ANXA3: variants seen among roughly 807,000 people sequenced by gnomAD.
ANXA3 encodes the protein 35-alpha calcimedin.
Under a neutral mutation model 48.8 loss-of-function variants are expected in ANXA3, and 46 were observed. The observed-to-expected ratio is 0.94, with a 90% CI of 0.74 to 1.21. ANXA3 has a LOEUF of 1.21. Ranked by LOEUF, ANXA3 falls within the 50% of genes most tolerant of loss-of-function variation. ANXA3 has a pLI of 0.00. For missense variants in ANXA3, 383 were observed against 378.6 expected (o/e 1.01, Z -0.10); for synonymous variants, 128 against 134.7 (o/e 0.95, Z 0.35).
intron 2 of ANXA3, among the ~76,000 whole-genome samples, chr4:78,572,583 C>T (rs1253952973): frequency 6.6e-6 from 1 of 151,920 alleles, no homozygotes; most frequent in Non-Finnish European, 1.5e-5. Flanking sequence ...GAAAACAGTC[C>T]TTGTAGGCTG....
At chr4:78,557,316 C>T (rs985521277) in intron 2 of ANXA3, among the ~76,000 whole-genome samples, 3 of 152,150 alleles carry the variant, frequency 2.0e-5, no homozygotes, top group African/African-American at 7.2e-5. Flanking sequence ...TCTCTTCTCC[C>T]TCCAGCTGAA....
chr4:78,607,441 G>A (rs898796528), intron 12 of ANXA3, among the ~76,000 whole-genome samples: 7 of 152,024 alleles, frequency 4.6e-5, no homozygotes, highest in South Asian at 2.1e-4. Context: ...GGGGGTAACC[G>A]GTGGGAAGGA....
At chr4:78,555,918 T>A (rs1004223868) in intron 2 of ANXA3, among the ~76,000 whole-genome samples, 1 of 152,018 alleles carries the variant, frequency 6.6e-6, no homozygotes, top group African/African-American at 2.4e-5. Flanking sequence ...GAAACACTTT[T>A]CTACTTAAGA....
chr4:78,577,430 T>G (rs978311810), intron 3 of ANXA3, among the ~76,000 whole-genome samples: 7 of 152,216 alleles, frequency 4.6e-5, no homozygotes, highest in Admixed American at 3.3e-4. Flanking sequence ...GAGTTTCAGA[T>G]ACTTGTGCAG....
At chr4:78,558,301 G>A (rs1320314247) in intron 2 of ANXA3, among the ~76,000 whole-genome samples, 1 of 152,194 alleles carries the variant, frequency 6.6e-6, no homozygotes, top group African/African-American at 2.4e-5. Flanking sequence ...AAGTTCTGAA[G>A]ATGTTTCAAA....
intron 2 of ANXA3, among the ~76,000 whole-genome samples, chr4:78,569,742 C>T (rs550689607): frequency 1.3e-5 from 2 of 152,304 alleles, no homozygotes; most frequent in South Asian, 4.2e-4. Flanking sequence ...CTTCAGGAAC[C>T]ACACTTTGAG....
intron 6 of ANXA3, 90 bp downstream of exon 6, chr4:78,586,440 G>A (rs1341351698): frequency 1.1e-6 from 1 of 908,368 alleles, no homozygotes; most frequent in South Asian, 1.6e-5. Flanking sequence ...TCTTCATGAG[G>A]CATTTTGAGA....
At chr4:78,578,852 A>AAAATAAATAAATAAAT (rs3840270) in intron 3 of ANXA3, among the ~76,000 whole-genome samples, 175 bp from the exon 4 acceptor site, 33 of 148,848 alleles carry the variant, frequency 2.2e-4, no homozygotes, top group African/African-American at 7.0e-4. Context: ...TCAGGCAAAC[A>AAAATAAATAAATAAAT]AAATAAATAA....
chr4:78,594,284 C>T lies in ANXA3; in HGVS notation c.484-1097C>T, dbSNP rs75687901. Reference sequence around the variant, plus strand: ...TCCATTGTATAGAATATTTATTTTACCTGCTGAAAGGCATCTTCTTTGCTT... The same window carrying T: ...TCCATTGTATAGAATATTTATTTTATCTGCTGAAAGGCATCTTCTTTGCTT... On this transcript the variant is annotated intron_variant, in intron 7 of 12. Coordinates refer to ENST00000264908, the MANE Select transcript of ANXA3 (RefSeq NM_005139.3). Among the ~76,000 whole-genome samples, 379 of 147,404 alleles carry T rather than the reference C, an allele frequency of 2.6e-3. 1 individual carries two copies. The highest frequency in any genetic ancestry group is 4.0e-3 in the Non-Finnish European group (266 of 67,204).
intron 2 of ANXA3, among the ~76,000 whole-genome samples, chr4:78,564,007 G>A (rs1192512440): frequency 2.6e-5 from 4 of 152,182 alleles, no homozygotes; most frequent in Admixed American, 6.5e-5. Context: ...TACTTTGATT[G>A]TAGAACAAAG....
At chr4:78,576,922 A>G (rs945503063) in intron 3 of ANXA3, among the ~76,000 whole-genome samples, 1 of 152,210 alleles carries the variant, frequency 6.6e-6, no homozygotes, top group African/African-American at 2.4e-5. Context: ...ACATAACTGC[A>G]GGTAGTTTGG....
At chr4:78,597,713 A>G (rs1212497709) in intron 10 of ANXA3, among the ~76,000 whole-genome samples, 1 of 151,998 alleles carries the variant, frequency 6.6e-6, no homozygotes, top group Non-Finnish European at 1.5e-5. Flanking sequence ...CCTGGGCTCA[A>G]GCAGTCCTCC....
intron 5 of ANXA3, chr4:78,582,531 G>A (rs184424943): frequency 5.2e-5 from 22 of 420,958 alleles, no homozygotes; most frequent in Admixed American, 3.9e-4. Flanking sequence ...TCTCTAATTT[G>A]TCATCGTTGA....
At chr4:78,566,511 T>C (rs1722735160) in intron 2 of ANXA3, among the ~76,000 whole-genome samples, 1 of 148,542 alleles carries the variant, frequency 6.7e-6, no homozygotes. Flanking sequence ...AATGAAATCA[T>C]GTCTTTTGCA....
intron 12 of ANXA3, among the ~76,000 whole-genome samples, chr4:78,608,214 C>T (rs1202094134): frequency 9.2e-5 from 14 of 152,038 alleles, no homozygotes; most frequent in Admixed American, 9.2e-4. Context: ...GCTAAAAGAT[C>T]CTACAATAGT....
In ANXA3 at chr4:78,578,304, A is replaced by T. The variant is rs6837672; in HGVS notation, c.104-723A>T. On this transcript the variant is annotated intron_variant, in intron 3 of 12. Transcript: ENST00000264908. ...GCGAAGGGGAGAGAGAGAGCGAGAG[A>T]GAGAGAGAGAGAGAGAGAGAGAGAG... Among the ~76,000 whole-genome samples the T allele has an allele frequency of 6.0e-3, 494 of 81,910 alleles. 2 individuals are homozygous for T. The highest frequency in any genetic ancestry group is 0.035 in the East Asian group (54 of 1,526). 53.7% of individuals were successfully genotyped at this position (81,910 alleles called of 152,430 possible). A position where few individuals can be genotyped will look rare whatever the true frequency, so the allele number is the denominator to read the frequency against.
chr4:78,605,939 C>A (rs945303887), intron 12 of ANXA3, among the ~76,000 whole-genome samples: 1 of 152,196 alleles, frequency 6.6e-6, no homozygotes, highest in Non-Finnish European at 1.5e-5. Flanking sequence ...TGCTCAGTAG[C>A]CTTCCATTGA....
chr4:78,573,135 A>G, intron 2 of ANXA3, 45 bp from the exon 3 acceptor site: 1 of 1,393,868 alleles, frequency 7.2e-7, no homozygotes, highest in East Asian at 2.3e-5. Flanking sequence ...AATACAAGAA[A>G]GATGTCATTT....
At chr4:78,593,113 CCACACACACACACA>C (rs59972919) in intron 7 of ANXA3, among the ~76,000 whole-genome samples, 2 of 143,934 alleles carry the variant, frequency 1.4e-5, no homozygotes, top group African/African-American at 2.6e-5. Context: ...AACACACATA[CCACACACACACACA>C]CACACACACA....
Sources: gnomAD v4.1 joint callset for allele counts (sites outside exome capture counted in the v4.1 genomes callset) on GRCh38, gnomAD v4.1.1 for gene constraint, MANE v1.5 for transcripts, NCBI Gene and HGNC (gene_info 2026-07-23, HGNC 2026-07-21) for gene names.